The following LRRC37A2 variants were observed in gnomAD, a reference collection of about 807,000 sequenced individuals.
LRRC37A2 encodes the protein leucine rich repeat containing 37 member A2.
In LRRC37A2, 9 loss-of-function variants were observed where a neutral mutation model predicts 68.8. That is an observed-to-expected ratio of 0.13 (90% CI 0.08 to 0.23). The LOEUF (loss-of-function observed/expected upper bound fraction) is 0.23, where lower values mean the gene tolerates loss of function less well. Ranked by LOEUF, LRRC37A2 falls within the 10% of genes least tolerant of loss-of-function variation. The pLI, the probability that LRRC37A2 is intolerant of heterozygous loss-of-function variation, is 1.00. For synonymous variants in LRRC37A2, 63 were observed against 367.6 expected (o/e 0.17, Z 9.48); for missense variants, 168 against 950.4 (o/e 0.18, Z 10.82).
the LRRC37A2 span, among the ~76,000 whole-genome samples, chr17:46,753,268 G>A: frequency 6.6e-6 from 1 of 152,218 alleles, no homozygotes. Flanking sequence ...CGGCAGAGGT[G>A]AAGTTTCTGT....
the LRRC37A2 span, among the ~76,000 whole-genome samples, chr17:46,985,912 C>A: frequency 6.6e-6 from 1 of 152,228 alleles, no homozygotes; most frequent in East Asian, 1.9e-4. Context: ...AGCCAAAGGT[C>A]TGTACCTCGT....
chr17:46,947,842 C>G, the LRRC37A2 span, among the ~76,000 whole-genome samples: 1 of 152,226 alleles, frequency 6.6e-6, no homozygotes, highest in Non-Finnish European at 1.5e-5. Flanking sequence ...AATCTCGGCT[C>G]ACCGTAACCT....
chr17:46,749,675 A>T, the LRRC37A2 span: 25 of 1,167,360 alleles, frequency 2.1e-5, no homozygotes, highest in African/African-American at 3.9e-4. Context: ...CATCGGCAAG[A>T]TTAAATAAAA....
chr17:46,846,030 C>A, the LRRC37A2 span, among the ~76,000 whole-genome samples: 1 of 151,896 alleles, frequency 6.6e-6, no homozygotes, highest in African/African-American at 2.4e-5. Flanking sequence ...ATCTCAGGTG[C>A]TCCACCCACT....
chr17:46,449,179 CTCATTTACT>C, the LRRC37A2 span, among the ~76,000 whole-genome samples: 2 of 102,186 alleles, frequency 2.0e-5, 1 homozygote, highest in South Asian at 8.9e-4. Flanking sequence ...TGTAGTCTAA[CTCATTTACT>C]ACTATGTTAA....
the LRRC37A2 span, chr17:46,769,692 G>T: frequency 6.5e-7 from 1 of 1,549,040 alleles, no homozygotes; most frequent in Non-Finnish European, 8.7e-7. Context: ...CCACAGGGCT[G>T]CCGGAAGGGG....
At chr17:46,810,827 A>T in the LRRC37A2 span, among the ~76,000 whole-genome samples, 1 of 152,112 alleles carries the variant, frequency 6.6e-6, no homozygotes, top group Non-Finnish European at 1.5e-5. Context: ...TGAGACTCAG[A>T]ACAGTTCAGG....
chr17:46,847,967 AGTGTGTGTGTGT>A, the LRRC37A2 span, among the ~76,000 whole-genome samples: 3 of 149,584 alleles, frequency 2.0e-5, 1 homozygote, highest in South Asian at 6.4e-4. Flanking sequence ...TGATTTCCAA[AGTGTGTGTGTGT>A]GTGTGTGTGT....
the LRRC37A2 span, among the ~76,000 whole-genome samples, chr17:46,778,171 T>A: frequency 6.6e-6 from 1 of 152,182 alleles, no homozygotes; most frequent in Admixed American, 6.5e-5. Flanking sequence ...GTCACCAACC[T>A]CATTTCTCCC....
the LRRC37A2 span, among the ~76,000 whole-genome samples, chr17:46,502,826 C>T: frequency 6.6e-6 from 1 of 151,084 alleles, no homozygotes; most frequent in Non-Finnish European, 1.5e-5. Context: ...CCCAGGGGCT[C>T]AGAGCCCTTC....
At chr17:46,936,468 C>A in the LRRC37A2 span, 1 of 985,372 alleles carries the variant, frequency 1.0e-6, no homozygotes, top group Non-Finnish European at 1.2e-6. Flanking sequence ...TCTAACTTTC[C>A]TCTGCACACC....
the LRRC37A2 span, among the ~76,000 whole-genome samples, chr17:47,022,919 T>G: frequency 5.9e-5 from 9 of 152,268 alleles, no homozygotes; most frequent in African/African-American, 2.2e-4. Flanking sequence ...AGTATTCCTG[T>G]AGCATAGATA....
chr17:46,786,605 G>A, the LRRC37A2 span, among the ~76,000 whole-genome samples: 1 of 152,362 alleles, frequency 6.6e-6, no homozygotes, highest in South Asian at 2.1e-4. Flanking sequence ...TCTCCACTTT[G>A]CTGCGCAGTT....
the LRRC37A2 span, among the ~76,000 whole-genome samples, chr17:46,742,384 C>A: frequency 6.6e-6 from 1 of 152,184 alleles, no homozygotes; most frequent in Non-Finnish European, 1.5e-5. Flanking sequence ...GATTATCATT[C>A]ATTCAGTGCA....
the LRRC37A2 span, chr17:46,930,798 G>T: frequency 3.4e-6 from 1 of 297,580 alleles, no homozygotes; most frequent in Non-Finnish European, 6.3e-6. Flanking sequence ...TATTTATTTG[G>T]ACAACCTTTG....
chr17:46,887,430 TA>T, the LRRC37A2 span, among the ~76,000 whole-genome samples: 50,882 of 147,920 alleles, frequency 0.34, 9,007 homozygotes, highest in African/African-American at 0.45. Context: ...CCTCATTCAT[TA>T]AAAAAAAAAA....
At chr17:46,733,021 G>A in the LRRC37A2 span, among the ~76,000 whole-genome samples, 1 of 152,204 alleles carries the variant, frequency 6.6e-6, no homozygotes, top group Non-Finnish European at 1.5e-5. Flanking sequence ...GAGGGTAAAA[G>A]ACCACTGCAG....
the LRRC37A2 span, among the ~76,000 whole-genome samples, chr17:46,852,873 A>T: frequency 8.5e-5 from 13 of 152,246 alleles, no homozygotes; most frequent in Admixed American, 2.0e-4. Flanking sequence ...GGTTGGAGTA[A>T]GGGCTGTGGG....
the LRRC37A2 span, chr17:46,713,144 T>C: frequency 6.6e-6 from 1 of 152,248 alleles, no homozygotes; most frequent in Non-Finnish European, 1.5e-5. Context: ...AAAGAGTTTT[T>C]TGTTGTTATG....
Sources: allele counts gnomAD v4.1 joint callset (sites outside exome capture counted in the v4.1 genomes callset), GRCh38; gene constraint gnomAD v4.1.1; transcripts MANE v1.5; gene names NCBI Gene and HGNC (gene_info 2026-07-23, HGNC 2026-07-21).